Variants in BACH2 observed in about 807,000 individuals in gnomAD.
BACH2 encodes transcription regulator protein BACH2.
In BACH2, 5 loss-of-function variants were observed where a neutral mutation model predicts 61.8. The ratio of observed to expected loss-of-function variants is 0.08; its 90% CI spans 0.04 to 0.17. BACH2 has a LOEUF of 0.17. Among genes scored for constraint, BACH2 ranks in the 10% least tolerant of loss-of-function variants. The pLI is 1.00. For synonymous variants in BACH2, 446 were observed against 440.1 expected (o/e 1.01, Z -0.17); for missense variants, 824 against 1,091.1 (o/e 0.76, Z 3.45).
Position 90,036,552 on chromosome 6 carries a change from C to T in BACH2, c.-12-27696G>A, listed in dbSNP as rs145367372. ...CTACATACCCATCACTTAGATTCCA[C>T]GATTAACATTTTATTATGCTTATTT... On this transcript the variant is annotated intron_variant, in intron 5 of 8. Coordinates refer to ENST00000257749, the MANE Select transcript of BACH2 (RefSeq NM_021813.4). Among the ~76,000 whole-genome samples, 11 of 152,224 alleles carry T rather than the reference C, an allele frequency of 7.2e-5. No individual in the cohort carries two copies. In the East Asian group the frequency reaches 7.7e-4, roughly 11 times the overall value.
At chr6:89,980,249 G>A (rs900472759) in intron 6 of BACH2, among the ~76,000 whole-genome samples, 82 of 151,710 alleles carry the variant, frequency 5.4e-4, no homozygotes, top group African/African-American at 1.9e-3. Flanking sequence ...AGCCGAGATC[G>A]TGCCACTGCA....
At chr6:90,024,446 T>C (rs547919385) in intron 5 of BACH2, among the ~76,000 whole-genome samples, 2 of 152,352 alleles carry the variant, frequency 1.3e-5, no homozygotes, top group African/African-American at 2.4e-5. Context: ...AGCCCAGGCC[T>C]TTGCTTTGCA....
chr6:90,288,431 C>T (rs1772085164), intron 1 of BACH2, among the ~76,000 whole-genome samples: 1 of 152,120 alleles, frequency 6.6e-6, no homozygotes, highest in Admixed American at 6.5e-5. Flanking sequence ...CATTCATACA[C>T]TTGATCATTT....
At position 90,089,119 on chromosome 6, in the gene BACH2, A is replaced by C. The variant is rs563208779; in HGVS notation, c.-161-10T>G. The stretch of plus-strand genomic sequence containing the variant: ...GTCAGTGAGTGTCCACCTAATTGGG[A>C]AGGAAAAGTTGTCCATTAGCAGATG... On this transcript the variant is annotated splice_polypyrimidine_tract_variant and intron_variant, in intron 4 of 8. Coordinates refer to ENST00000257749, the MANE Select transcript of BACH2 (RefSeq NM_021813.4). The C allele has an allele frequency of 7.9e-5, 12 of 152,318 alleles. No homozygotes were observed. The East Asian group carries it at 1.9e-3, about 24-fold the overall frequency. The allele number at this position is 152,318 out of a possible 1,614,324, so 9.4% of individuals were successfully genotyped here.
intron 4 of BACH2, among the ~76,000 whole-genome samples, chr6:90,091,305 G>T (rs186933029): frequency 1.3e-5 from 2 of 152,114 alleles, no homozygotes; most frequent in African/African-American, 4.8e-5. Context: ...ATATTGACAC[G>T]GGGAAGGCTA....
At chr6:90,123,553 G>A (rs962828345) in intron 4 of BACH2, among the ~76,000 whole-genome samples, 3 of 151,642 alleles carry the variant, frequency 2.0e-5, no homozygotes, top group East Asian at 2.0e-4. Context: ...GGCGGATCAC[G>A]AGGTCAGGAG....
At chr6:90,172,050 G>GT (rs1767831674) in intron 4 of BACH2, among the ~76,000 whole-genome samples, 1 of 152,162 alleles carries the variant, frequency 6.6e-6, no homozygotes. Flanking sequence ...GCTCACGCCT[G>GT]TAATTCCAGC....
At chr6:90,257,562 G>A (rs1771018994) in intron 2 of BACH2, among the ~76,000 whole-genome samples, 1 of 152,104 alleles carries the variant, frequency 6.6e-6, no homozygotes, top group Admixed American at 6.5e-5. Flanking sequence ...TATAAATCAG[G>A]TAATTCGTTT....
chr6:90,264,207 T>C (rs1294408541), intron 2 of BACH2, among the ~76,000 whole-genome samples: 1 of 152,146 alleles, frequency 6.6e-6, no homozygotes, highest in Non-Finnish European at 1.5e-5. Context: ...CTGTCTGAAG[T>C]TTTCAATTAA....
At chr6:90,253,800 G>C (rs1343955909) in intron 2 of BACH2, among the ~76,000 whole-genome samples, 2 of 152,174 alleles carry the variant, frequency 1.3e-5, no homozygotes, top group Non-Finnish European at 2.9e-5. Context: ...TTGACCTGAA[G>C]TTGGTTACAC....
intron 2 of BACH2, among the ~76,000 whole-genome samples, chr6:90,270,474 A>G (rs1771483177): frequency 6.6e-6 from 1 of 152,170 alleles, no homozygotes; most frequent in African/African-American, 2.4e-5. Flanking sequence ...CCCTTTTACA[A>G]CAGCTGCTAA....
rs142681632 is a variant in BACH2 at position 90,023,395 on chromosome 6, C to T, written c.-12-14539G>A. Among the ~76,000 whole-genome samples, 409 of 152,180 alleles carry T rather than the reference C, an allele frequency of 2.7e-3. 3 individuals are homozygous for T. Among genetic ancestry groups the T allele is most frequent in the African/African-American group, 9.0e-3 (375 of 41,538 alleles). On this transcript the variant is annotated intron_variant, in intron 5 of 8. Transcript: ENST00000257749. Reference sequence around the variant, plus strand: ...TTAAAAAGTGTGTGGCACTTTCCCCCTCCTCTCTTCCCTCCTCCTGCTCTG... The same window carrying T: ...TTAAAAAGTGTGTGGCACTTTCCCCTTCCTCTCTTCCCTCCTCCTGCTCTG...
At chr6:89,998,550 G>T (rs556915169) in intron 6 of BACH2, among the ~76,000 whole-genome samples, 103 of 152,168 alleles carry the variant, frequency 6.8e-4, no homozygotes, top group African/African-American at 2.5e-3. Flanking sequence ...ACTCCTCAAA[G>T]CAAAACAAGC....
At position 89,928,865 on chromosome 6, in the gene BACH2, G is replaced by GT. The variant is rs58948876; in HGVS notation, c.*3542dup. 7.6e-4 allele frequency: 112 copies of GT among 146,792 alleles called. No homozygotes were observed. Among genetic ancestry groups the GT allele is most frequent in the East Asian group, 1.4e-3 (7 of 5,150 alleles). The allele number at this position is 146,792 out of a possible 1,614,324, so 9.1% of individuals were successfully genotyped here. On this transcript the variant is annotated 3_prime_UTR_variant, in exon 9 of 9. Transcript: ENST00000257749. ...GCAGGATGGCCTCGTAACTTTGTCGGTTTTTTTTTTTTTAAAGTTTTTCTA... is the reference window on the plus strand; with the variant it reads ...GCAGGATGGCCTCGTAACTTTGTCGGTTTTTTTTTTTTTTAAAGTTTTTCTA...
At chr6:90,037,537 GGA>G (rs1394651718) in intron 5 of BACH2, among the ~76,000 whole-genome samples, 4 of 152,138 alleles carry the variant, frequency 2.6e-5, no homozygotes, top group Non-Finnish European at 5.9e-5. Flanking sequence ...CACTCTTGGT[GGA>G]AACAGCATTG....
intron 4 of BACH2, among the ~76,000 whole-genome samples, chr6:90,161,912 CG>C (rs1785204870): frequency 6.6e-6 from 1 of 152,120 alleles, no homozygotes; most frequent in Admixed American, 6.5e-5. Flanking sequence ...CTAAAAGAAG[CG>C]GAACCTCTGG....
intron 5 of BACH2, among the ~76,000 whole-genome samples, chr6:90,086,174 C>A (rs577912531): frequency 1.6e-4 from 24 of 152,316 alleles, no homozygotes; most frequent in Middle Eastern, 3.4e-3. Context: ...TTTTTAAAGG[C>A]TGAATAATAT....
chr6:90,237,142 C>T (rs1770285149), intron 3 of BACH2, among the ~76,000 whole-genome samples: 1 of 152,180 alleles, frequency 6.6e-6, no homozygotes, highest in Non-Finnish European at 1.5e-5. Context: ...CCAGGATGGT[C>T]TCGATCTCCT....
At chr6:90,252,107 G>A (rs901457948) in intron 3 of BACH2, among the ~76,000 whole-genome samples, 1 of 152,204 alleles carries the variant, frequency 6.6e-6, no homozygotes, top group Non-Finnish European at 1.5e-5. Context: ...TAGCCAGCCT[G>A]AGCAAACATG....
Sources: allele counts gnomAD v4.1 joint callset (sites outside exome capture counted in the v4.1 genomes callset), GRCh38; gene constraint gnomAD v4.1.1; transcripts MANE v1.5; gene names NCBI Gene and HGNC (gene_info 2026-07-23, HGNC 2026-07-21).